The following MAGI1 variants were observed in gnomAD, a reference collection of about 807,000 sequenced individuals.
MAGI1 encodes the protein membrane-associated guanylate kinase, WW and PDZ domain-containing protein 1.
A neutral mutation model predicts 139.9 loss-of-function variants in MAGI1; 58 were observed. The observed-to-expected ratio is 0.41, with a 90% CI of 0.34 to 0.52. The LOEUF (loss-of-function observed/expected upper bound fraction) is 0.52. MAGI1 is among the 20% of genes least tolerant of loss of function. MAGI1 has a pLI of 0.12. For synonymous variants in MAGI1, 812 were observed against 737.9 expected (o/e 1.10, Z -1.63); for missense variants, 1,874 against 1,901.6 (o/e 0.99, Z 0.27).
At position 65,849,001 on chromosome 3, in the gene MAGI1, C is replaced by CT. The variant is rs558270441; in HGVS notation, c.313+188994dup. ...GCAGCTCAAGACTATTCAGAGCATT[C>CT]TTTTTTTTTTTTTTTTTTTTTTTTT... On this transcript the variant is annotated intron_variant, in intron 1 of 22. Coordinates refer to ENST00000402939, the MANE Select transcript of MAGI1 (RefSeq NM_001033057.2). 3.5e-3 allele frequency among the ~76,000 whole-genome samples: 140 copies of CT among 39,644 alleles called. 39 individuals are homozygous for CT. Among genetic ancestry groups the CT allele is most frequent in the East Asian group, 7.9e-3 (7 of 884 alleles). The allele number at this position is 39,644 out of a possible 152,430, so 26.0% of individuals were successfully genotyped here.
intron 1 of MAGI1, among the ~76,000 whole-genome samples, chr3:65,638,317 T>G (rs1388657032): frequency 6.6e-6 from 1 of 152,148 alleles, no homozygotes; most frequent in Non-Finnish European, 1.5e-5. Flanking sequence ...TTCATGAAAT[T>G]CTATTCTCCA....
intron 1 of MAGI1, among the ~76,000 whole-genome samples, chr3:65,877,474 G>A (rs111787722): frequency 2.0e-5 from 3 of 152,126 alleles, no homozygotes; most frequent in African/African-American, 4.8e-5. Context: ...TTGTATCCAC[G>A]TAGAGAGGTT....
chr3:65,995,618 G>A (rs553390278), intron 1 of MAGI1, among the ~76,000 whole-genome samples: 11 of 151,804 alleles, frequency 7.2e-5, no homozygotes, highest in Non-Finnish European at 1.3e-4. Flanking sequence ...TCAAACTATT[G>A]TCAGGGAAGG....
chr3:65,830,375 T>G (rs2042458294), intron 1 of MAGI1, among the ~76,000 whole-genome samples: 1 of 151,780 alleles, frequency 6.6e-6, no homozygotes, highest in Admixed American at 6.6e-5. Context: ...AAAGTTCACT[T>G]CCAAATAAAG....
At chr3:65,546,522 A>T (rs186546487) in intron 2 of MAGI1, among the ~76,000 whole-genome samples, 4 of 152,328 alleles carry the variant, frequency 2.6e-5, no homozygotes, top group Admixed American at 2.6e-4. Context: ...ACGTTCATCT[A>T]TGTCAAGGTT....
At chr3:65,841,014 C>T (rs1208705712) in intron 1 of MAGI1, among the ~76,000 whole-genome samples, 1 of 152,084 alleles carries the variant, frequency 6.6e-6, no homozygotes, top group Non-Finnish European at 1.5e-5. Flanking sequence ...GTAGTTTGTG[C>T]TTTTCAAAAA....
At chr3:65,977,484 G>A (rs2065323296) in intron 1 of MAGI1, among the ~76,000 whole-genome samples, 2 of 152,130 alleles carry the variant, frequency 1.3e-5, no homozygotes, top group Admixed American at 1.3e-4. Flanking sequence ...GCCAAGGCAG[G>A]TGGATCACCT....
chr3:65,999,118 T>G (rs35772740), intron 1 of MAGI1, among the ~76,000 whole-genome samples: 64,171 of 151,934 alleles, frequency 0.42, 15,185 homozygotes, highest in East Asian at 0.62. Flanking sequence ...TGTGCAGGTT[T>G]GTTAGGTAGG....
intron 1 of MAGI1, among the ~76,000 whole-genome samples, chr3:65,787,433 A>G (rs1461440468): frequency 6.6e-6 from 1 of 151,774 alleles, no homozygotes; most frequent in Non-Finnish European, 1.5e-5. Flanking sequence ...TGTTATGTTT[A>G]GTCGGTTCTA....
At position 65,771,093 on chromosome 3, in the gene MAGI1, G is replaced by A. The variant is rs536075215; in HGVS notation, c.314-149005C>T. On this transcript the variant is annotated intron_variant, in intron 1 of 22. Coordinates refer to ENST00000402939, the MANE Select transcript of MAGI1 (RefSeq NM_001033057.2). ...AGGCCAAGGCGGGCAGATCACCTGA[G>A]GCCAGGAGTTCGAGACCAGCCTGGC... Among the ~76,000 whole-genome samples the A allele has an allele frequency of 1.7e-3, 259 of 152,012 alleles. 1 individual carries two copies. Among genetic ancestry groups the A allele is most frequent in the African/African-American group, 6.1e-3 (254 of 41,488 alleles).
chr3:65,730,787 GA>G (rs1414232698), intron 1 of MAGI1, among the ~76,000 whole-genome samples: 2 of 151,878 alleles, frequency 1.3e-5, no homozygotes, highest in Admixed American at 6.6e-5. Context: ...GTCACTAAAA[GA>G]AAAAAGTAAT....
At chr3:65,496,812 A>C (rs1376463512) in intron 2 of MAGI1, among the ~76,000 whole-genome samples, 2 of 152,230 alleles carry the variant, frequency 1.3e-5, no homozygotes, top group African/African-American at 4.8e-5. Context: ...CCTAGCACTT[A>C]AAATAAAAAT....
intron 1 of MAGI1, among the ~76,000 whole-genome samples, chr3:65,781,029 C>T (rs544802305): frequency 4.6e-5 from 7 of 152,254 alleles, no homozygotes; most frequent in Non-Finnish European, 8.8e-5. Flanking sequence ...AACCCCATCT[C>T]TACTAAAAAT....
rs2042677964 is a variant in MAGI1 at position 65,834,143 on chromosome 3, A to C, written c.313+203853T>G. ...AGGTAACTTCAGATAATAAGTGCTA[A>C]GAAGAAAATAACAGGACGGTATGAA... On this transcript the variant is annotated intron_variant, in intron 1 of 22. Coordinates refer to ENST00000402939, the MANE Select transcript of MAGI1 (RefSeq NM_001033057.2). Among the ~76,000 whole-genome samples the C allele has an allele frequency of 3.3e-5, 5 of 152,362 alleles. No individual in the cohort carries two copies. The South Asian group carries it at 1.0e-3, about 32-fold the overall frequency.
chr3:65,457,001 TC>T (rs1949441099), intron 5 of MAGI1, among the ~76,000 whole-genome samples: 1 of 152,178 alleles, frequency 6.6e-6, no homozygotes, highest in South Asian at 2.1e-4. Flanking sequence ...ACTTCATTCT[TC>T]CTTTTTGTAA....
chr3:65,499,992 T>C (rs774682798), intron 2 of MAGI1, among the ~76,000 whole-genome samples: 6 of 151,942 alleles, frequency 3.9e-5, no homozygotes, highest in Non-Finnish European at 7.4e-5. Flanking sequence ...GATTCTTGGA[T>C]ATTTTATTCA....
intron 1 of MAGI1, among the ~76,000 whole-genome samples, chr3:66,037,571 CTCTT>C (rs2069005151): frequency 6.6e-6 from 1 of 152,040 alleles, no homozygotes; most frequent in East Asian, 1.9e-4. Context: ...TACAGACCCT[CTCTT>C]TCTGTATACC....
intron 1 of MAGI1, among the ~76,000 whole-genome samples, chr3:65,809,526 A>G (rs2041086133): frequency 6.6e-6 from 1 of 152,208 alleles, no homozygotes; most frequent in Non-Finnish European, 1.5e-5. Context: ...AATTTAAATT[A>G]CAGGTCTTCC....
intron 1 of MAGI1, among the ~76,000 whole-genome samples, chr3:65,950,955 AAAGAG>A (rs1481540826): frequency 1.5e-5 from 2 of 131,968 alleles, no homozygotes; most frequent in Non-Finnish European, 3.1e-5. Flanking sequence ...TGGTGAGAAG[AAAGAG>A]AAGGAAGGAA....
Sources: gnomAD v4.1 joint callset for allele counts (sites outside exome capture counted in the v4.1 genomes callset) on GRCh38, gnomAD v4.1.1 for gene constraint, MANE v1.5 for transcripts, NCBI Gene and HGNC (gene_info 2026-07-23, HGNC 2026-07-21) for gene names.